CCSER1: variants seen among roughly 807,000 people sequenced by gnomAD.
CCSER1 encodes the protein coiled-coil serine rich protein 1, also known as serine-rich coiled-coil domain-containing protein 1.
In CCSER1, 41 loss-of-function variants were observed where a neutral mutation model predicts 82.0. The ratio of observed to expected loss-of-function variants is 0.50; its 90% CI spans 0.39 to 0.65. CCSER1 has a LOEUF of 0.65. CCSER1 is among the 30% of genes least tolerant of loss of function. The probability of loss-of-function intolerance (pLI) is 0.00; values close to 1 mark genes in which losing one functional copy is unlikely to be tolerated. For missense variants in CCSER1, 1,119 were observed against 1,064.2 expected (o/e 1.05, Z -0.72); for synonymous variants, 414 against 383.9 (o/e 1.08, Z -0.92).
chr4:90,132,180 A>T (rs1157330794), intron 1 of CCSER1, among the ~76,000 whole-genome samples: 2 of 152,198 alleles, frequency 1.3e-5, no homozygotes, highest in African/African-American at 4.8e-5. Flanking sequence ...ATGATTCCCC[A>T]TGTAGTTAGG....
chr4:91,509,975 G>A (rs1759733381), intron 10 of CCSER1, among the ~76,000 whole-genome samples: 1 of 152,082 alleles, frequency 6.6e-6, no homozygotes, highest in Non-Finnish European at 1.5e-5. Flanking sequence ...ATAGTACCCA[G>A]TTGTTAGTTT....
intron 10 of CCSER1, among the ~76,000 whole-genome samples, chr4:91,378,182 G>A (rs148728082): frequency 0.02 from 2,992 of 152,192 alleles, 76 homozygotes; most frequent in African/African-American, 0.067. Context: ...GTCAGGTAGC[G>A]TGATGCCTCC....
At chr4:90,860,169 A>G (rs1764908310) in intron 8 of CCSER1, among the ~76,000 whole-genome samples, 1 of 151,714 alleles carries the variant, frequency 6.6e-6, no homozygotes, top group South Asian at 2.1e-4. Flanking sequence ...AAGAAAAATA[A>G]CCTAGTTTTA....
intron 9 of CCSER1, among the ~76,000 whole-genome samples, chr4:90,970,298 G>T (rs933230794): frequency 6.6e-6 from 1 of 151,802 alleles, no homozygotes; most frequent in African/African-American, 2.4e-5. Context: ...GACAGTAAGG[G>T]TGAGTATAAT....
At chr4:91,490,587 G>A (rs1758464119) in intron 10 of CCSER1, among the ~76,000 whole-genome samples, 1 of 151,852 alleles carries the variant, frequency 6.6e-6, no homozygotes, top group Middle Eastern at 3.4e-3. Context: ...ATGGTTACCA[G>A]AGGCTGGGAA....
intron 5 of CCSER1, among the ~76,000 whole-genome samples, chr4:90,606,850 T>A (rs1784787278): frequency 6.6e-6 from 1 of 152,212 alleles, no homozygotes; most frequent in African/African-American, 2.4e-5. Flanking sequence ...ACTAGGTCCA[T>A]AATGTATAAA....
At chr4:91,438,670 T>G (rs1334679325) in intron 10 of CCSER1, among the ~76,000 whole-genome samples, 1 of 152,058 alleles carries the variant, frequency 6.6e-6, no homozygotes, top group Non-Finnish European at 1.5e-5. Flanking sequence ...AGGCTTCAGA[T>G]GATCAAACTA....
rs112803226 is a variant in CCSER1 at position 90,736,637 on chromosome 4, A to AT, written c.2010+12654dup. Among the ~76,000 whole-genome samples, 1,197 of 151,396 alleles carry AT rather than the reference A, an allele frequency of 7.9e-3. 14 individuals carry two copies. The highest frequency in any genetic ancestry group is 0.028 in the African/African-American group (1,142 of 41,264). ...CTTGTAGGAAACAGATTATTAGGTC[A>AT]TTTTTTTTATCCATTCAGCCACTCT... On this transcript the variant is annotated intron_variant, in intron 7 of 10. Transcript: ENST00000509176.
chr4:91,205,288 A>G (rs1736247993), intron 10 of CCSER1, among the ~76,000 whole-genome samples: 1 of 151,862 alleles, frequency 6.6e-6, no homozygotes. Flanking sequence ...TGTACTGTCT[A>G]ATGAACACAC....
chr4:90,499,616 C>T (rs1471136900), intron 5 of CCSER1, among the ~76,000 whole-genome samples: 1 of 151,988 alleles, frequency 6.6e-6, no homozygotes, highest in African/African-American at 2.4e-5. Context: ...GCTTGTATGT[C>T]TTCATAACCA....
chr4:90,577,562 T>A (rs1325644407), intron 5 of CCSER1, among the ~76,000 whole-genome samples: 2 of 152,160 alleles, frequency 1.3e-5, no homozygotes, highest in East Asian at 3.8e-4. Context: ...TTGACCTAAC[T>A]TCGCTGATAG....
intron 10 of CCSER1, among the ~76,000 whole-genome samples, chr4:91,175,542 G>A (rs1489131436): frequency 6.6e-6 from 1 of 152,138 alleles, no homozygotes; most frequent in Non-Finnish European, 1.5e-5. Flanking sequence ...GTATCTCATT[G>A]TGGTTTTGAT....
At chr4:90,932,950 GAAAGAAAGAAAGA>G in intron 9 of CCSER1, among the ~76,000 whole-genome samples, 1 of 31,970 alleles carries the variant, frequency 3.1e-5, no homozygotes, top group Non-Finnish European at 5.5e-5. Context: ...AAGAAAGAAA[GAAAGAAAGAAAGA>G]AAGAAAGAAA....
intron 1 of CCSER1, among the ~76,000 whole-genome samples, chr4:90,153,934 A>G (rs1242445776): frequency 6.6e-6 from 1 of 152,140 alleles, no homozygotes; most frequent in Non-Finnish European, 1.5e-5. Flanking sequence ...TTGGTGTTTT[A>G]GACATGAAGT....
intron 6 of CCSER1, among the ~76,000 whole-genome samples, chr4:90,707,787 A>G (rs1037647050): frequency 1.3e-5 from 2 of 152,042 alleles, no homozygotes; most frequent in African/African-American, 4.8e-5. Flanking sequence ...GGTAGGGATC[A>G]TTTGTGAACA....
At chr4:90,267,788 C>G (rs968908954) in intron 1 of CCSER1, among the ~76,000 whole-genome samples, 1 of 152,258 alleles carries the variant, frequency 6.6e-6, no homozygotes, top group South Asian at 2.1e-4. Flanking sequence ...TTGGGTACCC[C>G]CTAATGCAGA....
At chr4:90,835,621 AT>A (rs543331180) in intron 8 of CCSER1, among the ~76,000 whole-genome samples, 2,491 of 149,762 alleles carry the variant, frequency 0.017, 72 homozygotes, top group African/African-American at 0.056. Flanking sequence ...GTTGCAAGAC[AT>A]TTTTTTTTTC....
intron 1 of CCSER1, among the ~76,000 whole-genome samples, chr4:90,240,894 G>C (rs1485656248): frequency 6.6e-6 from 1 of 152,168 alleles, no homozygotes; most frequent in Non-Finnish European, 1.5e-5. Flanking sequence ...GCTCTCTGCA[G>C]TGGGAATGAA....
At chr4:91,597,403 G>C (rs374614881) in intron 10 of CCSER1, among the ~76,000 whole-genome samples, 1 of 152,170 alleles carries the variant, frequency 6.6e-6, no homozygotes, top group Non-Finnish European at 1.5e-5. Flanking sequence ...GAGTAGAAAT[G>C]AAGAGAAATG....
Sources: allele counts gnomAD v4.1 joint callset (sites outside exome capture counted in the v4.1 genomes callset), GRCh38; gene constraint gnomAD v4.1.1; transcripts MANE v1.5; gene names NCBI Gene and HGNC (gene_info 2026-07-23, HGNC 2026-07-21).